PASD1: variants seen among roughly 807,000 people sequenced by gnomAD.
PASD1 encodes circadian clock protein PASD1.
Under a neutral mutation model 58.8 loss-of-function variants are expected in PASD1, and 13 were observed. That is an observed-to-expected ratio of 0.22 (90% CI 0.14 to 0.35). The LOEUF (loss-of-function observed/expected upper bound fraction) is 0.35. PASD1 is among the 10% of genes least tolerant of loss of function. The pLI is 1.00. For synonymous variants in PASD1, 236 were observed against 216.7 expected (o/e 1.09, Z -0.78); for missense variants, 734 against 568.3 (o/e 1.29, Z -2.96).
chrX:151,661,261 C>T (rs1267961033), intron 10 of PASD1, among the ~76,000 whole-genome samples: 4 of 111,904 alleles, frequency 3.6e-5, no homozygotes, highest in Non-Finnish European at 7.5e-5. Flanking sequence ...TGGAAGTATC[C>T]AGAAACCAGA....
chrX:151,590,440 G>A (rs1009946896), intron 1 of PASD1, among the ~76,000 whole-genome samples: 7 of 111,537 alleles, frequency 6.3e-5, no homozygotes, highest in South Asian at 3.8e-4. Flanking sequence ...CTCCTTCCAC[G>A]GCTGTCAGGT....
chrX:151,657,503 T>C (rs1434683408), intron 9 of PASD1, among the ~76,000 whole-genome samples: 1 of 111,284 alleles, frequency 9.0e-6, no homozygotes, highest in East Asian at 2.8e-4. Context: ...GTTTGTTTGG[T>C]TGGTAGGTTA....
In PASD1 at chrX:151,625,540, A is replaced by G. The variant is rs2013773247; in HGVS notation, c.629+10A>G. The G allele has an allele frequency of 3.5e-6, 4 of 1,153,724 alleles. No homozygotes were observed. Among genetic ancestry groups the G allele is most frequent in the Admixed American group, 2.3e-5 (1 of 44,216 alleles). ...TTGTGGGAGAGCTCAGGTGAGAGGT[A>G]GTATTGATAAAGCTAATGAAGATCT... On this transcript the variant is annotated intron_variant, in intron 8 of 15. Transcript: ENST00000370357.
chrX:151,607,119 T>C (rs1476042704), intron 3 of PASD1, among the ~76,000 whole-genome samples: 1 of 112,006 alleles, frequency 8.9e-6, no homozygotes, highest in Non-Finnish European at 1.9e-5. Context: ...TGTATCAATA[T>C]TTCTTTGCTT....
At chrX:151,564,139 G>A (rs967966491) in intron 1 of PASD1, among the ~76,000 whole-genome samples, 4 of 112,980 alleles carry the variant, frequency 3.5e-5, no homozygotes, top group Non-Finnish European at 7.5e-5. Context: ...TTTTTCTTTG[G>A]ACATTTCGAG....
chrX:151,608,185 A>G, intron 3 of PASD1, among the ~76,000 whole-genome samples: 1 of 111,231 alleles, frequency 9.0e-6, no homozygotes, highest in East Asian at 2.8e-4. Context: ...TAGTGGATGA[A>G]AGTTCTTATT....
rs761990717 is a variant in PASD1, at chrX:151,570,019, A to G, written c.-28+6180A>G. ...GTTGCATATAGATTTTTATGTGTGG[A>G]CATAGCCCTTTTTAAAAAATTATTC... On this transcript the variant is annotated intron_variant, in intron 1 of 15. Coordinates refer to ENST00000370357, the MANE Select transcript of PASD1 (RefSeq NM_173493.3). Among the ~76,000 whole-genome samples, 78 of 111,471 alleles carry G rather than the reference A, an allele frequency of 7.0e-4. 1 individual carries two copies. The highest frequency in any genetic ancestry group is 2.5e-3 in the African/African-American group (77 of 30,688).
At chrX:151,612,077 T>C (rs2013570224) in intron 4 of PASD1, among the ~76,000 whole-genome samples, 1 of 99,257 alleles carries the variant, frequency 1.0e-5, no homozygotes, top group Non-Finnish European at 2.0e-5. Context: ...TGTTTGGTTT[T>C]TTGTCCTTGC....
In PASD1 at chrX:151,603,934, T is replaced by A. The variant is rs145198132; in HGVS notation, c.29-712T>A. The stretch of plus-strand genomic sequence containing the variant: ...TTTTTCTGTGAGGAGAAGGAACTAA[T>A]GTTTATTGACATGAAGCATTAAAAT... On this transcript the variant is annotated intron_variant, in intron 2 of 15. Coordinates refer to ENST00000370357, the MANE Select transcript of PASD1 (RefSeq NM_173493.3). Among the ~76,000 whole-genome samples, 354 of 112,201 alleles carry A rather than the reference T, an allele frequency of 3.2e-3. 1 individual carries two copies. The highest frequency in any genetic ancestry group is 0.011 in the African/African-American group (338 of 30,904).
chrX:151,574,405 C>T (rs545429901), intron 1 of PASD1, among the ~76,000 whole-genome samples: 2 of 111,648 alleles, frequency 1.8e-5, no homozygotes, highest in East Asian at 2.8e-4. Flanking sequence ...GACAAGGGGT[C>T]GAATAGTGAT....
rs1602963326 is a variant in PASD1, at chrX:151,664,106, C to G, written c.842-13C>G. 8.3e-7 allele frequency: 1 copy of G among 1,211,402 alleles called. No individual in the cohort carries two copies. Among genetic ancestry groups the G allele is most frequent in the Non-Finnish European group, 1.1e-6 (1 of 895,334 alleles). On this transcript the variant is annotated splice_polypyrimidine_tract_variant and intron_variant, in intron 10 of 15. Transcript: ENST00000370357. ...TTTTTAAGTCATGAACTCCCCTGTGCTTTCTTCCTCAGCCTTATCCTTGCA... is the reference window on the plus strand; with the variant it reads ...TTTTTAAGTCATGAACTCCCCTGTGGTTTCTTCCTCAGCCTTATCCTTGCA...
chrX:151,638,013 G>A (rs1304345551), intron 8 of PASD1, among the ~76,000 whole-genome samples: 1 of 110,601 alleles, frequency 9.0e-6, no homozygotes, highest in Non-Finnish European at 1.9e-5. Context: ...TATTAATTTT[G>A]CAAAGTCAGA....
intron 8 of PASD1, among the ~76,000 whole-genome samples, chrX:151,632,091 T>C (rs775137721): frequency 2.7e-5 from 3 of 110,573 alleles, no homozygotes; most frequent in African/African-American, 9.9e-5. Flanking sequence ...CAATAGACTA[T>C]AGAGCAGGTG....
intron 8 of PASD1, among the ~76,000 whole-genome samples, chrX:151,636,289 C>T (rs1341092180): frequency 1.8e-5 from 2 of 111,963 alleles, no homozygotes; most frequent in Non-Finnish European, 3.8e-5. Flanking sequence ...CAATTTGTTA[C>T]GTATTTTCCT....
chrX:151,601,453 A>G, intron 1 of PASD1, 74 bp from the exon 2 acceptor site: 1 of 765,412 alleles, frequency 1.3e-6, no homozygotes, highest in Non-Finnish European at 1.9e-6. Flanking sequence ...GAGAATTTTG[A>G]TTAGTCTTAT....
At chrX:151,649,106 C>T (rs1359795503) in intron 9 of PASD1, among the ~76,000 whole-genome samples, 1 of 111,903 alleles carries the variant, frequency 8.9e-6, no homozygotes, top group Non-Finnish European at 1.9e-5. Flanking sequence ...CCAGATATGA[C>T]TAGAAAGAAT....
At chrX:151,646,093 A>G (rs921942598) in intron 8 of PASD1, among the ~76,000 whole-genome samples, 5 of 110,078 alleles carry the variant, frequency 4.5e-5, no homozygotes, top group African/African-American at 1.7e-4. Flanking sequence ...TATTTTTTCT[A>G]GAGATGGGAT....
intron 1 of PASD1, among the ~76,000 whole-genome samples, chrX:151,595,912 A>T (rs759913974): frequency 9.0e-6 from 1 of 111,239 alleles, no homozygotes; most frequent in African/African-American, 3.3e-5. Context: ...TTCTCCCTCA[A>T]TCATGGTCTG....
At chrX:151,640,009 A>T (rs989027952) in intron 8 of PASD1, among the ~76,000 whole-genome samples, 1 of 111,674 alleles carries the variant, frequency 9.0e-6, no homozygotes, top group African/African-American at 3.3e-5. Flanking sequence ...ATATGCTGGG[A>T]CTCGACTGGT....
Sources: allele counts gnomAD v4.1 joint callset (sites outside exome capture counted in the v4.1 genomes callset), GRCh38; gene constraint gnomAD v4.1.1; transcripts MANE v1.5; gene names NCBI Gene and HGNC (gene_info 2026-07-23, HGNC 2026-07-21).